The following SDK1 variants were observed in gnomAD, a reference collection of about 807,000 sequenced individuals.
SDK1 encodes protein sidekick-1.
SDK1 carries 157 observed loss-of-function variants against 245.5 expected under a neutral mutation model. The ratio of observed to expected loss-of-function variants is 0.64; its 90% CI spans 0.56 to 0.73. The LOEUF (loss-of-function observed/expected upper bound fraction) is 0.73, where lower values mean the gene tolerates loss of function less well. Among genes scored for constraint, SDK1 ranks in the 30% least tolerant of loss-of-function variants. The probability of loss-of-function intolerance (pLI) is 0.00; values close to 1 mark genes in which losing one functional copy is unlikely to be tolerated. For missense variants in SDK1, 3,583 were observed against 3,002.3 expected (o/e 1.19, Z -4.52); for synonymous variants, 1,647 against 1,278.5 (o/e 1.29, Z -6.15).
At chr7:3,488,453 T>G (rs1781770439) in intron 1 of SDK1, among the ~76,000 whole-genome samples, 1 of 152,240 alleles carries the variant, frequency 6.6e-6, no homozygotes, top group Non-Finnish European at 1.5e-5. Flanking sequence ...TTTGTATTTT[T>G]GTCCTGAATT....
intron 22 of SDK1, among the ~76,000 whole-genome samples, chr7:4,107,580 C>T (rs1251439942): frequency 6.6e-6 from 1 of 152,078 alleles, no homozygotes; most frequent in Non-Finnish European, 1.5e-5. Context: ...CTAAGAGGAG[C>T]CCACCTAAGT....
At chr7:3,420,197 C>G (rs916910386) in intron 1 of SDK1, among the ~76,000 whole-genome samples, 2 of 152,198 alleles carry the variant, frequency 1.3e-5, no homozygotes, top group African/African-American at 4.8e-5. Context: ...ACTATTATAG[C>G]AGAATTAACA....
At chr7:3,408,625 CT>C (rs1433878776) in intron 1 of SDK1, among the ~76,000 whole-genome samples, 3 of 152,074 alleles carry the variant, frequency 2.0e-5, no homozygotes, top group African/African-American at 7.2e-5. Flanking sequence ...GTATGTTGAA[CT>C]GATATTCTTT....
intron 25 of SDK1, among the ~76,000 whole-genome samples, chr7:4,116,509 C>T (rs181501531): frequency 5.1e-4 from 78 of 152,294 alleles, no homozygotes; most frequent in Non-Finnish European, 9.4e-4. Context: ...GCTCATTCCC[C>T]GGGTCCCGTT....
In SDK1 at chr7:3,659,362, A is replaced by T. The variant is rs187807538; in HGVS notation, c.713+17257A>T. ...CAAAAAATGGGCAAAAACCAAACACATAAAGAAAGTCAGGTGATGAAAGAA... is the reference window on the plus strand; with the variant it reads ...CAAAAAATGGGCAAAAACCAAACACTTAAAGAAAGTCAGGTGATGAAAGAA... On this transcript the variant is annotated intron_variant, in intron 4 of 44. Transcript: ENST00000404826. Among the ~76,000 whole-genome samples the T allele has an allele frequency of 2.5e-3, 376 of 152,300 alleles. 3 individuals carry two copies. Among genetic ancestry groups the T allele is most frequent in the South Asian group, 0.018 (87 of 4,824 alleles).
intron 1 of SDK1, chr7:3,302,222 T>C (rs1234451439): frequency 6.5e-6 from 1 of 152,858 alleles, no homozygotes; most frequent in Non-Finnish European, 1.5e-5. Flanking sequence ...AAGGGGCTGG[T>C]CTGTACCTGA....
At chr7:3,615,336 A>G (rs901597618) in intron 1 of SDK1, among the ~76,000 whole-genome samples, 12 of 151,798 alleles carry the variant, frequency 7.9e-5, no homozygotes, top group African/African-American at 2.6e-4. Context: ...TTGCTGAAGT[A>G]CATAGGAAAA....
At chr7:3,604,389 C>G (rs1287614478) in intron 1 of SDK1, among the ~76,000 whole-genome samples, 3 of 152,098 alleles carry the variant, frequency 2.0e-5, no homozygotes, top group South Asian at 2.1e-4. Flanking sequence ...TTTATTTTCA[C>G]TTTCCTTCTT....
intron 28 of SDK1, among the ~76,000 whole-genome samples, chr7:4,139,189 C>G (rs1254639014): frequency 1.3e-5 from 2 of 152,138 alleles, no homozygotes; most frequent in Admixed American, 6.5e-5. Flanking sequence ...TACCCACCCC[C>G]CATTTCCTGG....
intron 1 of SDK1, among the ~76,000 whole-genome samples, chr7:3,459,396 T>C (rs1407560061): frequency 6.6e-6 from 1 of 152,212 alleles, no homozygotes; most frequent in Non-Finnish European, 1.5e-5. Flanking sequence ...TTTAACATTA[T>C]CTGATGTTGA....
intron 1 of SDK1, among the ~76,000 whole-genome samples, chr7:3,417,141 T>A (rs1403422739): frequency 6.6e-6 from 1 of 152,118 alleles, no homozygotes; most frequent in African/African-American, 2.4e-5. Context: ...GCCACTGCAC[T>A]CAAGCCTGGG....
At chr7:3,404,234 A>G (rs1184415135) in intron 1 of SDK1, among the ~76,000 whole-genome samples, 1 of 152,066 alleles carries the variant, frequency 6.6e-6, no homozygotes, top group African/African-American at 2.4e-5. Flanking sequence ...AAAACATAAT[A>G]TCTGTGAAGC....
At chr7:3,316,916 A>G (rs1779677831) in intron 1 of SDK1, among the ~76,000 whole-genome samples, 1 of 152,102 alleles carries the variant, frequency 6.6e-6, no homozygotes, top group African/African-American at 2.4e-5. Flanking sequence ...ACTGTGGCTC[A>G]TGCCTATAAT....
chr7:4,075,800 G>A (rs1032605878), intron 20 of SDK1, among the ~76,000 whole-genome samples: 5 of 151,876 alleles, frequency 3.3e-5, no homozygotes, highest in Admixed American at 6.6e-5. Flanking sequence ...GATTACAGGC[G>A]CCCACCACCA....
At chr7:3,582,671 CCTAAA>C (rs1235144402) in intron 1 of SDK1, among the ~76,000 whole-genome samples, 466 of 98,576 alleles carry the variant, frequency 4.7e-3, no homozygotes, top group Middle Eastern at 0.018. Flanking sequence ...TAGCCCTGAA[CCTAAA>C]CTAAAGTAAA....
chr7:3,775,832 T>C (rs994171535), intron 4 of SDK1, among the ~76,000 whole-genome samples: 1 of 152,186 alleles, frequency 6.6e-6, no homozygotes, highest in African/African-American at 2.4e-5. Flanking sequence ...CGCCTCGGCC[T>C]CCCAAAGTGC....
intron 1 of SDK1, among the ~76,000 whole-genome samples, chr7:3,391,724 C>A (rs1781761427): frequency 6.7e-6 from 1 of 150,066 alleles, no homozygotes; most frequent in Non-Finnish European, 1.5e-5. Flanking sequence ...GCAACCTCCG[C>A]TTGCCAGGTT....
intron 17 of SDK1, among the ~76,000 whole-genome samples, chr7:4,022,436 A>G (rs951491883): frequency 9.2e-5 from 14 of 152,192 alleles, no homozygotes; most frequent in Admixed American, 7.9e-4. Context: ...TGCCCGGGAA[A>G]GATGGTGCAG....
intron 1 of SDK1, among the ~76,000 whole-genome samples, chr7:3,509,123 T>A (rs1367872071): frequency 6.6e-6 from 1 of 151,882 alleles, no homozygotes; most frequent in Non-Finnish European, 1.5e-5. Context: ...CGTGTGATAC[T>A]CAGACACACA....
Sources: allele counts gnomAD v4.1 joint callset (sites outside exome capture counted in the v4.1 genomes callset), GRCh38; gene constraint gnomAD v4.1.1; transcripts MANE v1.5; gene names NCBI Gene and HGNC (gene_info 2026-07-23, HGNC 2026-07-21).